Variants in COL4A1 observed in about 807,000 individuals in gnomAD.
COL4A1 encodes the protein collagen alpha-1(IV) chain.
Under a neutral mutation model 216.6 loss-of-function variants are expected in COL4A1, and 40 were observed. The observed-to-expected ratio is 0.18, with a 90% CI of 0.14 to 0.24. The LOEUF (loss-of-function observed/expected upper bound fraction) is 0.24, where lower values mean the gene tolerates loss of function less well. COL4A1 is among the 10% of genes least tolerant of loss of function. The probability of loss-of-function intolerance (pLI) is 1.00; values close to 1 mark genes in which losing one functional copy is unlikely to be tolerated. For synonymous variants in COL4A1, 839 were observed against 810.7 expected (o/e 1.03, Z -0.59); for missense variants, 1,628 against 2,196.8 (o/e 0.74, Z 5.18).
chr13:110,243,928 C>T (rs969754035), intron 1 of COL4A1, among the ~76,000 whole-genome samples: 2 of 152,148 alleles, frequency 1.3e-5, no homozygotes, highest in Non-Finnish European at 2.9e-5. Flanking sequence ...AGAAATACGT[C>T]GGTACATACA....
At chr13:110,173,807 G>A (rs1188611035) in intron 40 of COL4A1, 93 bp downstream of exon 40, 3 of 1,445,468 alleles carry the variant, frequency 2.1e-6, no homozygotes, top group South Asian at 1.2e-5. Flanking sequence ...GGGCCATTCT[G>A]TGCCCAGCTT....
rs1442213057 is a variant in COL4A1, at chr13:110,183,234, G to C, written c.1940C>G (p.Pro647Arg). ...EPGKIVPLPG[P>R]PGAEGLPGSP... ...CCCCGGCAGTCCTTCTGCTCCAGGG[G>C]GGCCTGGTAAAGGAACAATTTTTCC... is the stretch of plus-strand genomic sequence containing the variant. Residue 647 changes from proline to arginine, a missense_variant, in exon 27 of 52, where the codon CCC becomes CGC. This residue lies in a region of COL4A1 where 701 missense variants were observed against 892.5 expected (regional missense o/e 0.79). Coordinates refer to ENST00000375820, the MANE Select transcript of COL4A1 (RefSeq NM_001845.6). The C allele has an allele frequency of 6.2e-7, 1 of 1,613,808 alleles. No homozygotes were observed. The highest frequency in any genetic ancestry group is 8.5e-7 in the Non-Finnish European group (1 of 1,180,014).
chr13:110,175,759 T>A (rs1468511822), intron 36 of COL4A1, among the ~76,000 whole-genome samples: 1 of 152,152 alleles, frequency 6.6e-6, no homozygotes, highest in Non-Finnish European at 1.5e-5. Context: ...CTGTGCACAC[T>A]CGGTTCTGTG....
rs567829833 is a variant in COL4A1, at chr13:110,246,282, G to A, written c.85-3548C>T. 4.6e-5 allele frequency among the ~76,000 whole-genome samples: 7 copies of A among 151,896 alleles called. No homozygotes were observed. In the East Asian group the frequency reaches 5.8e-4, roughly 13 times the overall value. On this transcript the variant is annotated intron_variant, in intron 1 of 51. Transcript: ENST00000375820. ...GGTCCTTTCTGTCATATAAGGGCCC[G>A]TGCTGGGTTTCACCCTGGCATATGA...
chr13:110,222,826 T>C (rs1430415672), intron 2 of COL4A1, among the ~76,000 whole-genome samples: 3 of 149,886 alleles, frequency 2.0e-5, no homozygotes, highest in Non-Finnish European at 3.0e-5. Context: ...TAAATATTCA[T>C]TGTAGTAATA....
intron 41 of COL4A1, among the ~76,000 whole-genome samples, chr13:110,171,575 T>C (rs1001437873): frequency 6.6e-6 from 1 of 152,240 alleles, no homozygotes; most frequent in South Asian, 2.1e-4. Context: ...CCAATAAAAA[T>C]GCCAAAATTC....
Position 110,210,142 on chromosome 13 carries a change from A to C in COL4A1, c.539T>G (p.Ile180Ser), listed in dbSNP as rs550948939. The change falls in exon 9 of 52, where the codon ATC (isoleucine) becomes AGC (serine). Residue 180 changes from isoleucine to serine, a missense_variant. Ile to Ser is a moderately radical substitution (Grantham distance 142). Around this residue, in one of 8 missense-constraint regions of COL4A1, gnomAD observed 150 missense variants for 211.9 expected, o/e 0.71. Coordinates refer to ENST00000375820, the MANE Select transcript of COL4A1 (RefSeq NM_001845.6). ...LLKGERGFPG[I>S]PGTPGPPGLP... Reference sequence around the variant, plus strand: ...GCAAATGCTTACTGGAGTCCCTGGGATTCCGGGAAATCCTCTTTCACCTTT... The same window carrying C: ...GCAAATGCTTACTGGAGTCCCTGGGCTTCCGGGAAATCCTCTTTCACCTTT... The C allele has an allele frequency of 1.7e-5, 27 of 1,614,134 alleles. No individual in the cohort carries two copies. The South Asian group carries it at 2.9e-4, about 17-fold the overall frequency.
At chr13:110,197,856 G>C (rs1284405352) in intron 21 of COL4A1, among the ~76,000 whole-genome samples, 2 of 152,212 alleles carry the variant, frequency 1.3e-5, no homozygotes, top group Admixed American at 6.5e-5. Flanking sequence ...GGTTCCAAAG[G>C]CTGGCTCCAG....
In COL4A1 at chr13:110,201,839, G is replaced by A. The variant is rs188578371; in HGVS notation, c.1000-317C>T. 1.1e-3 allele frequency among the ~76,000 whole-genome samples: 160 copies of A among 152,170 alleles called. 1 individual carries two copies. Among genetic ancestry groups the A allele is most frequent in the African/African-American group, 3.5e-3 (145 of 41,514 alleles). On this transcript the variant is annotated intron_variant, in intron 18 of 51. Coordinates refer to ENST00000375820, the MANE Select transcript of COL4A1 (RefSeq NM_001845.6). ...TCTACTAAAAATACAAAAATTAGTC[G>A]GGCGTGGTGGCATATGCCTGTAATC...
Position 110,183,003 on chromosome 13 carries a change from G to A in COL4A1, c.2085C>T (p.Pro695=), listed in dbSNP as rs377505775. The change falls in exon 28 of 52, where the codon CCC becomes CCT. Residue 695 remains proline, a synonymous_variant. Transcript: ENST00000375820. ...GTCTGGCAGGGTTACCTTTGGGGCC[G>A]GGGGGCCCTGGAAATCCAATGCCTG... ...GQPGIGFPGP[P]GPKGVDGLPG... is the part of the protein sequence containing the mutation. The A allele has an allele frequency of 9.2e-5, 148 of 1,611,054 alleles. No homozygotes were observed. Among genetic ancestry groups the A allele is most frequent in the East Asian group, 2.0e-4 (9 of 44,804 alleles).
At chr13:110,285,227 T>C (rs1170227296) in intron 1 of COL4A1, among the ~76,000 whole-genome samples, 5 of 152,240 alleles carry the variant, frequency 3.3e-5, no homozygotes, top group East Asian at 1.9e-4. Flanking sequence ...CGATTTTCCA[T>C]TGGAAATGCA....
rs1566364596 is a variant in COL4A1, at chr13:110,194,893, G to C, written c.1381+130C>G. ...TTATTCTAGGAAGAGATTGTGAAGA[G>C]GGTTCCAAATAAAAGGAACCTACGC... is the stretch of plus-strand genomic sequence containing the variant. On this transcript the variant is annotated intron_variant, in intron 22 of 51. Coordinates refer to ENST00000375820, the MANE Select transcript of COL4A1 (RefSeq NM_001845.6). The C allele has an allele frequency of 4.1e-6, 3 of 738,424 alleles. No homozygotes were observed. In the African/African-American group the frequency reaches 5.2e-5, roughly 13 times the overall value. 45.7% of individuals were successfully genotyped at this position (738,424 alleles called of 1,614,324 possible).
At chr13:110,194,230 A>C (rs1878775066) in intron 22 of COL4A1, among the ~76,000 whole-genome samples, 1 of 152,232 alleles carries the variant, frequency 6.6e-6, no homozygotes, top group Non-Finnish European at 1.5e-5. Context: ...CAGAATTCTA[A>C]GATGCTGGCT....
At chr13:110,222,356 G>A (rs1281277773) in intron 2 of COL4A1, among the ~76,000 whole-genome samples, 2 of 152,124 alleles carry the variant, frequency 1.3e-5, no homozygotes, top group Non-Finnish European at 2.9e-5. Flanking sequence ...AGGAACCAAC[G>A]GCCTCAATCA....
chr13:110,179,250 G>A (rs775151344), intron 30 of COL4A1, 21 bp downstream of exon 30: 1 of 1,613,996 alleles, frequency 6.2e-7, no homozygotes, highest in South Asian at 1.1e-5. Context: ...AAACCCTCCA[G>A]ACTGATCTGC....
chr13:110,171,121 G>A (rs1323107773), intron 41 of COL4A1, among the ~76,000 whole-genome samples: 2 of 152,248 alleles, frequency 1.3e-5, no homozygotes, highest in African/African-American at 4.8e-5. Context: ...TTATATCCAT[G>A]CAGTGGGACA....
chr13:110,233,550 A>G (rs1789392559), intron 2 of COL4A1, among the ~76,000 whole-genome samples: 1 of 152,096 alleles, frequency 6.6e-6, no homozygotes, highest in African/African-American at 2.4e-5. Context: ...GGCCGATGGG[A>G]GGGAGGAGTC....
At chr13:110,230,702 C>T (rs973574606) in intron 2 of COL4A1, among the ~76,000 whole-genome samples, 1 of 152,244 alleles carries the variant, frequency 6.6e-6, no homozygotes, top group Admixed American at 6.5e-5. Context: ...CCAGTCACGC[C>T]AGCGTGCTGT....
intron 1 of COL4A1, among the ~76,000 whole-genome samples, chr13:110,273,411 T>C (rs995007678): frequency 2.1e-4 from 32 of 152,144 alleles, no homozygotes; most frequent in Non-Finnish European, 8.8e-5. Context: ...TGCAGAAGCT[T>C]TTTTACCTAA....
Sources: allele counts gnomAD v4.1 joint callset (sites outside exome capture counted in the v4.1 genomes callset), GRCh38; gene constraint gnomAD v4.1.1; regional missense constraint gnomAD v4.1.1; transcripts MANE v1.5; gene names NCBI Gene and HGNC (gene_info 2026-07-23, HGNC 2026-07-21).